The following RAB11FIP3 variants were observed in gnomAD, a reference collection of about 807,000 sequenced individuals.
RAB11FIP3 encodes the protein RAB11 family interacting protein 3.
In RAB11FIP3, 17 loss-of-function variants were observed where a neutral mutation model predicts 77.8. The observed-to-expected ratio is 0.22, with a 90% CI of 0.15 to 0.33. The LOEUF is 0.33. Ranked by LOEUF, RAB11FIP3 falls within the 10% of genes least tolerant of loss-of-function variation. The pLI, the probability that RAB11FIP3 is intolerant of heterozygous loss-of-function variation, is 1.00. For synonymous variants in RAB11FIP3, 437 were observed against 448.2 expected, an observed-to-expected ratio of 0.98 and a Z score of 0.31; for missense variants, 1,005 against 1,011.2, an observed-to-expected ratio of 0.99 and a Z score of 0.08.
At chr16:510,070 G>A (rs1051478054) in intron 8 of RAB11FIP3, among the ~76,000 whole-genome samples, 11 of 151,400 alleles carry the variant, frequency 7.3e-5, no homozygotes, top group Admixed American at 6.6e-4. Flanking sequence ...CACGCGTTGT[G>A]TGTAGTGGCC....
intron 1 of RAB11FIP3, among the ~76,000 whole-genome samples, chr16:431,356 A>G (rs1261171877): frequency 6.6e-6 from 1 of 151,508 alleles, no homozygotes; most frequent in Non-Finnish European, 1.5e-5. Context: ...TAACATTCCC[A>G]TTATTTTACT....
At position 507,618 on chromosome 16, in the gene RAB11FIP3, T is replaced by G. The variant is rs2031937593; in HGVS notation, c.1499+1991T>G. 6.6e-6 allele frequency among the ~76,000 whole-genome samples: 1 copy of G among 152,264 alleles called. No individual in the cohort carries two copies. On this transcript the variant is annotated intron_variant, in intron 8 of 13. Transcript: ENST00000262305. The surrounding 1 kb of genome is among the most constrained non-coding windows in gnomAD (Gnocchi z 4.6). ...AGTATGTTCATCTGTTTTCCGTGTGTGTGGTGTGAAGTCCACACTGCCGCC... is the reference window on the plus strand; with the variant it reads ...AGTATGTTCATCTGTTTTCCGTGTGGGTGGTGTGAAGTCCACACTGCCGCC...
chr16:510,437 G>A, intron 8 of RAB11FIP3: 1 of 543,210 alleles, frequency 1.8e-6, no homozygotes, highest in Non-Finnish European at 3.3e-6. Context: ...AGTGGACACT[G>A]CTCCGGCCAC....
chr16:519,107 CTG>C (rs2032554002), intron 10 of RAB11FIP3, 83 bp downstream of exon 10: 1 of 1,407,374 alleles, frequency 7.1e-7, no homozygotes, highest in East Asian at 2.3e-5. Flanking sequence ...GCCCTGAGCT[CTG>C]TGCTGAGCGG....
chr16:459,011 A>G (rs2055557592), intron 1 of RAB11FIP3, among the ~76,000 whole-genome samples: 1 of 152,030 alleles, frequency 6.6e-6, no homozygotes, highest in African/African-American at 2.4e-5. Context: ...ATTTCTAAGT[A>G]TTTCAGTACA....
chr16:443,475 C>A (rs1407261851), intron 1 of RAB11FIP3, among the ~76,000 whole-genome samples: 4 of 152,198 alleles, frequency 2.6e-5, no homozygotes, highest in African/African-American at 9.7e-5. Context: ...AAACCAGAGT[C>A]ATAATTGACC....
chr16:492,675 C>A (rs2030681900), intron 5 of RAB11FIP3, among the ~76,000 whole-genome samples: 1 of 152,200 alleles, frequency 6.6e-6, no homozygotes, highest in African/African-American at 2.4e-5. Flanking sequence ...TTTGTTCTTC[C>A]CACGCAGAGA....
chr16:500,408 C>T (rs544334258), intron 6 of RAB11FIP3, among the ~76,000 whole-genome samples: 60 of 152,212 alleles, frequency 3.9e-4, no homozygotes, highest in Non-Finnish European at 5.6e-4. Flanking sequence ...CCCAGCCGGA[C>T]GCGGTGGTTC....
chr16:429,013 C>T (rs921800285), intron 1 of RAB11FIP3, among the ~76,000 whole-genome samples: 2 of 152,060 alleles, frequency 1.3e-5, no homozygotes, highest in African/African-American at 2.4e-5. Context: ...TTCTTCTAGA[C>T]GGCTTAGGAA....
rs115632473 is a variant in RAB11FIP3 at position 488,570 on chromosome 16, G to A, written c.1116-281G>A. On this transcript the variant is annotated intron_variant, in intron 4 of 13. Transcript: ENST00000262305. ...ACTACAGTCGTGCGCATCCATGCCT[G>A]GGTGATTTAAAAATGTTTTTTGCAG... 3.5e-3 allele frequency among the ~76,000 whole-genome samples: 535 copies of A among 151,986 alleles called. 4 individuals carry two copies. The highest frequency in any genetic ancestry group is 0.013 in the African/African-American group (520 of 41,382).
intron 3 of RAB11FIP3, 57 bp from the exon 4 acceptor site, chr16:482,468 C>A: frequency 2.0e-6 from 3 of 1,511,172 alleles, no homozygotes; most frequent in South Asian, 1.1e-5. Flanking sequence ...AGGTGTGGGG[C>A]GTTCGCAGTT....
At position 506,945 on chromosome 16, in the gene RAB11FIP3, G is replaced by A. The variant is rs901069387; in HGVS notation, c.1499+1318G>A. Reference sequence around the variant, plus strand: ...GTCTCCTCCTTGTCAAGGAGAATCCGGGGGGCTGCCAGATGCACTTGTTTT... The same window carrying A: ...GTCTCCTCCTTGTCAAGGAGAATCCAGGGGGCTGCCAGATGCACTTGTTTT... On this transcript the variant is annotated intron_variant, in intron 8 of 13. Coordinates refer to ENST00000262305, the MANE Select transcript of RAB11FIP3 (RefSeq NM_014700.4). This position sits in a 1 kb window ranked among gnomAD's most constrained non-coding sequence, Gnocchi z 4.5. 1.3e-5 allele frequency among the ~76,000 whole-genome samples: 2 copies of A among 152,058 alleles called. No homozygotes were observed. Among genetic ancestry groups the A allele is most frequent in the East Asian group, 1.9e-4 (1 of 5,186 alleles).
intron 2 of RAB11FIP3, among the ~76,000 whole-genome samples, chr16:465,038 C>T (rs1452677836): frequency 6.6e-6 from 1 of 152,156 alleles, no homozygotes; most frequent in Non-Finnish European, 1.5e-5. Context: ...TGAGAGGATG[C>T]TTCTTTTCTA....
chr16:492,358 GGT>G lies in RAB11FIP3; in HGVS notation c.1265+3359_1265+3360del, dbSNP rs1567391732. ...GAAAGCAGAAGTGCTCTTTGAAGAGGGTCTTCCCGGGAGACCCGAGGCCGCCC... is the reference window on the plus strand; with the variant it reads ...GAAAGCAGAAGTGCTCTTTGAAGAGGCTTCCCGGGAGACCCGAGGCCGCCC... On this transcript the variant is annotated intron_variant, in intron 5 of 13. Transcript: ENST00000262305. 3.4e-4 allele frequency among the ~76,000 whole-genome samples: 31 copies of G among 90,958 alleles called. 1 individual carries two copies. The East Asian group carries it at 7.4e-3, about 22-fold the overall frequency. 59.7% of individuals were successfully genotyped at this position (90,958 alleles called of 152,430 possible).
intron 1 of RAB11FIP3, among the ~76,000 whole-genome samples, chr16:449,252 C>G (rs1250268956): frequency 1.3e-5 from 2 of 152,170 alleles, no homozygotes; most frequent in Non-Finnish European, 2.9e-5. Context: ...ATCTCCAGCT[C>G]AGTGTCTCAC....
In RAB11FIP3 at chr16:497,434, T is replaced by C. The variant is rs377427060; in HGVS notation, c.1301+575T>C. Reference sequence around the variant, plus strand: ...CACTCAGTGTGGCTGCCGGGTGGCCTCTGCTGCCGTCAGAGTCTGCCTTTG... The same window carrying C: ...CACTCAGTGTGGCTGCCGGGTGGCCCCTGCTGCCGTCAGAGTCTGCCTTTG... On this transcript the variant is annotated intron_variant, in intron 6 of 13. Transcript: ENST00000262305. The C allele has an allele frequency of 2.1e-4, 255 of 1,242,452 alleles. 3 individuals are homozygous for C. In the African/African-American group the frequency reaches 2.9e-3, roughly 14 times the overall value. The allele number at this position is 1,242,452 out of a possible 1,614,324, so 77.0% of individuals were successfully genotyped here.
intron 2 of RAB11FIP3, among the ~76,000 whole-genome samples, chr16:469,139 C>T (rs560194118): frequency 6.6e-6 from 1 of 152,214 alleles, no homozygotes; most frequent in Non-Finnish European, 1.5e-5. Flanking sequence ...GATCTTGGTT[C>T]ACTGCAACCT....
chr16:439,723 A>G (rs999006250), intron 1 of RAB11FIP3, among the ~76,000 whole-genome samples: 2 of 152,172 alleles, frequency 1.3e-5, no homozygotes, highest in African/African-American at 2.4e-5. Context: ...TGAGACATCA[A>G]TCAATATATG....
intron 8 of RAB11FIP3, among the ~76,000 whole-genome samples, chr16:510,281 G>T (rs767673964): frequency 6.6e-6 from 1 of 152,178 alleles, no homozygotes; most frequent in Non-Finnish European, 1.5e-5. Context: ...GAGCGCACGC[G>T]TTGTGTGTAG....
Sources: allele counts gnomAD v4.1 joint callset (sites outside exome capture counted in the v4.1 genomes callset), GRCh38; gene constraint gnomAD v4.1.1; non-coding constraint Gnocchi (gnomAD v3.1); transcripts MANE v1.5; gene names NCBI Gene and HGNC (gene_info 2026-07-23, HGNC 2026-07-21).